Variants in ICA1 observed in about 807,000 individuals in gnomAD.
The protein encoded by ICA1 is islet cell autoantigen 1.
ICA1 carries 40 observed loss-of-function variants against 71.0 expected under a neutral mutation model. That is an observed-to-expected ratio of 0.56 (90% CI 0.44 to 0.73). The LOEUF is 0.73. Among genes scored for constraint, ICA1 ranks in the 30% least tolerant of loss-of-function variants. The pLI is 0.00. For synonymous variants in ICA1, 207 were observed against 209.5 expected, an observed-to-expected ratio of 0.99 and a Z score of 0.10; for missense variants, 578 against 576.5, an observed-to-expected ratio of 1.00 and a Z score of -0.03.
At chr7:8,219,937 A>T (rs896641804) in intron 5 of ICA1, among the ~76,000 whole-genome samples, 3 of 152,122 alleles carry the variant, frequency 2.0e-5, no homozygotes, top group Admixed American at 6.5e-5. Context: ...TCTATGAAAT[A>T]TTTTTTTAGG....
At chr7:8,153,861 A>ATAT (rs1554295054) in intron 8 of ICA1, among the ~76,000 whole-genome samples, 3 of 148,436 alleles carry the variant, frequency 2.0e-5, no homozygotes, top group Admixed American at 6.7e-5. Flanking sequence ...ATATATATGT[A>ATAT]GTAACATTTC....
rs771308562 is a variant in ICA1 at position 8,128,138 on chromosome 7, G to A, written c.1065C>T (p.Cys355=). Residue 355 remains cysteine, a synonymous_variant, in exon 13 of 14, where the codon TGC becomes TGT. Transcript: ENST00000402384. Reference sequence around the variant, plus strand: ...CCGGGGTCCCTGCCACTGGTCCCAGGCAAGCTGATTGAAGTAACAGAGAAC... The same window carrying A: ...CCGGGGTCCCTGCCACTGGTCCCAGACAAGCTGATTGAAGTAACAGAGAAC... ...LLDMKSEEGA[C]LGPVAGTPEP... 3 of 1,613,888 alleles carry A rather than the reference G, an allele frequency of 1.9e-6. No individual in the cohort carries two copies. Among genetic ancestry groups the A allele is most frequent in the East Asian group, 4.5e-5 (2 of 44,874 alleles).
chr7:8,217,852 C>A (rs1382732693), intron 6 of ICA1, among the ~76,000 whole-genome samples: 1 of 152,188 alleles, frequency 6.6e-6, no homozygotes, highest in South Asian at 2.1e-4. Context: ...CATGAGTTAA[C>A]CCTGCAACTA....
intron 1 of ICA1, among the ~76,000 whole-genome samples, chr7:8,248,497 G>T (rs1806928351): frequency 6.6e-6 from 1 of 152,094 alleles, no homozygotes; most frequent in South Asian, 2.1e-4. Flanking sequence ...AGGCAAGGAG[G>T]GTGGATTGTT....
At chr7:8,168,188 C>T (rs1402813382) in intron 6 of ICA1, among the ~76,000 whole-genome samples, 1 of 152,118 alleles carries the variant, frequency 6.6e-6, no homozygotes, top group Non-Finnish European at 1.5e-5. Context: ...ATCCGGATAG[C>T]ACAGACACAG....
chr7:8,210,784 G>A (rs566190019), intron 6 of ICA1, among the ~76,000 whole-genome samples: 1 of 152,256 alleles, frequency 6.6e-6, no homozygotes, highest in Non-Finnish European at 1.5e-5. Context: ...GCGTGATCAT[G>A]GCTTACTGCA....
rs1429560762 is a variant in ICA1 at position 8,130,343 on chromosome 7, G to A, written c.1061-2201C>T. Among the ~76,000 whole-genome samples, 2 of 152,206 alleles carry A rather than the reference G, an allele frequency of 1.3e-5. No individual in the cohort carries two copies. Among genetic ancestry groups the A allele is most frequent in the Non-Finnish European group, 2.9e-5 (2 of 68,030 alleles). On this transcript the variant is annotated intron_variant, in intron 12 of 13. Coordinates refer to ENST00000402384, the MANE Select transcript of ICA1 (RefSeq NM_001136020.3). The surrounding 1 kb of genome is among the most constrained non-coding windows in gnomAD (Gnocchi z 4.2). The stretch of plus-strand genomic sequence containing the variant: ...GGTCAGGCAGGTGGCCCACCTCTGT[G>A]GATGAAGGCAGGAGCTGAAGGAAAG...
At chr7:8,204,314 G>C (rs549200415) in intron 6 of ICA1, among the ~76,000 whole-genome samples, 1 of 152,348 alleles carries the variant, frequency 6.6e-6, no homozygotes, top group Non-Finnish European at 1.5e-5. Flanking sequence ...TAGAGTCAGA[G>C]GCTTGGGTTC....
chr7:8,189,390 T>G (rs982753685), intron 6 of ICA1, among the ~76,000 whole-genome samples: 1 of 152,236 alleles, frequency 6.6e-6, no homozygotes, highest in Non-Finnish European at 1.5e-5. Context: ...AGGTCCTATG[T>G]TGGGTTTAGT....
intron 6 of ICA1, among the ~76,000 whole-genome samples, chr7:8,199,221 C>A (rs1486647062): frequency 6.6e-6 from 1 of 152,196 alleles, no homozygotes. Context: ...AATCCCACTG[C>A]AGGGTATATA....
chr7:8,136,930 T>C (rs963918240), intron 12 of ICA1, among the ~76,000 whole-genome samples: 5 of 152,198 alleles, frequency 3.3e-5, no homozygotes, highest in African/African-American at 9.6e-5. Flanking sequence ...TTTATAAAAG[T>C]AAGCATCTAT....
chr7:8,200,924 G>A (rs1374676745), intron 6 of ICA1, among the ~76,000 whole-genome samples: 2 of 152,166 alleles, frequency 1.3e-5, no homozygotes, highest in Admixed American at 1.3e-4. Context: ...CTGGACTGAA[G>A]TGTTTCATGT....
intron 6 of ICA1, among the ~76,000 whole-genome samples, chr7:8,174,771 A>AAACAAAAAAAC (rs3078593): frequency 9.4e-5 from 10 of 106,060 alleles, no homozygotes; most frequent in Non-Finnish European, 2.0e-4. Context: ...AAAAAAAAAA[A>AAACAAAAAAAC]AAAAAAAACA....
chr7:8,233,098 A>G (rs1023405930), intron 2 of ICA1, among the ~76,000 whole-genome samples: 1 of 152,058 alleles, frequency 6.6e-6, no homozygotes, highest in African/African-American at 2.4e-5. Context: ...AAGTTACCTC[A>G]GTGAGTCAGA....
chr7:8,119,204 T>C (rs1305374314), intron 13 of ICA1, among the ~76,000 whole-genome samples: 1 of 152,098 alleles, frequency 6.6e-6, no homozygotes, highest in Non-Finnish European at 1.5e-5. Flanking sequence ...TCTGACAGAG[T>C]TCCTGGAGGG....
At chr7:8,167,578 A>G (rs1434922360) in intron 6 of ICA1, among the ~76,000 whole-genome samples, 2 of 152,180 alleles carry the variant, frequency 1.3e-5, no homozygotes, top group Non-Finnish European at 2.9e-5. Flanking sequence ...ACCCCCCGGC[A>G]TGTAATTTAC....
At chr7:8,195,595 G>A (rs984058557) in intron 6 of ICA1, among the ~76,000 whole-genome samples, 8 of 150,978 alleles carry the variant, frequency 5.3e-5, no homozygotes, top group African/African-American at 2.4e-5. Context: ...AAATGGTATC[G>A]CCACTTTGAA....
chr7:8,225,321 T>A (rs999990958), intron 4 of ICA1, among the ~76,000 whole-genome samples: 1 of 152,220 alleles, frequency 6.6e-6, no homozygotes, highest in Non-Finnish European at 1.5e-5. Flanking sequence ...GGAAATTAAT[T>A]TTATTCTATG....
intron 6 of ICA1, among the ~76,000 whole-genome samples, chr7:8,184,391 C>A (rs1368331150): frequency 6.6e-6 from 1 of 152,164 alleles, no homozygotes; most frequent in African/African-American, 2.4e-5. Context: ...CAATAAGACG[C>A]AATGTGCTCA....
Sources: allele counts gnomAD v4.1 joint callset (sites outside exome capture counted in the v4.1 genomes callset), GRCh38; gene constraint gnomAD v4.1.1; non-coding constraint Gnocchi (gnomAD v3.1); transcripts MANE v1.5; gene names NCBI Gene and HGNC (gene_info 2026-07-23, HGNC 2026-07-21).